ZNF425: variants seen among roughly 807,000 people sequenced by gnomAD.
The protein encoded by ZNF425 is zinc finger protein 425.
Under a neutral mutation model 17.0 loss-of-function variants are expected in ZNF425, and 21 were observed. The observed-to-expected ratio is 1.23, with a 90% CI of 0.88 to 1.78. ZNF425 has a LOEUF of 1.78. Ranked by LOEUF, ZNF425 falls within the 40% of genes most tolerant of loss-of-function variation. The pLI is 0.00. For synonymous variants in ZNF425, 433 were observed against 384.1 expected (o/e 1.13, Z -1.49); for missense variants, 868 against 967.3 (o/e 0.90, Z 1.36).
Position 149,126,054 on chromosome 7 carries a change from A to T in ZNF425, c.18+142T>A. On this transcript the variant is annotated intron_variant, in intron 1 of 3. Transcript: ENST00000378061. ...AGCAAGACTGCACCTTCTCCAGCCC[A>T]GCCCGGAGCTCAGTCCGTGGGCCAC... is the stretch of plus-strand genomic sequence containing the variant. The T allele has an allele frequency of 2.7e-6, 4 of 1,490,730 alleles. No individual in the cohort carries two copies. In the South Asian group the frequency reaches 4.8e-5, roughly 18 times the overall value. 92.3% of individuals were successfully genotyped at this position (1,490,730 alleles called of 1,614,324 possible).
intron 3 of ZNF425, among the ~76,000 whole-genome samples, chr7:149,109,520 T>C (rs1393304043): frequency 2.0e-5 from 3 of 152,192 alleles, no homozygotes; most frequent in Non-Finnish European, 4.4e-5. Flanking sequence ...AGAGTCCTCC[T>C]GGGATATTGC....
intron 2 of ZNF425, among the ~76,000 whole-genome samples, chr7:149,116,843 C>T (rs1334550885): frequency 3.9e-5 from 6 of 152,116 alleles, no homozygotes; most frequent in Non-Finnish European, 7.3e-5. Context: ...AAATTGTCTT[C>T]CCCCTAATTT....
chr7:149,104,807 T>G lies in ZNF425; in HGVS notation c.1064A>C (p.Lys355Thr), dbSNP rs747799599. ...ACACTCGGGACAGTGGAAGGGCCTCTTCCCGCTGTGCTGGGTCAGATGGAC... is the reference window on the plus strand; with the variant it reads ...ACACTCGGGACAGTGGAAGGGCCTCGTCCCGCTGTGCTGGGTCAGATGGAC... ...MKVHLTQHSGKRPFHCPECGR... is the reference protein window; with the variant it reads ...MKVHLTQHSGTRPFHCPECGR... Residue 355 changes from lysine (K) to threonine (T), a missense_variant, in exon 4 of 4, where the codon AAG becomes ACG. Lys to Thr is a moderately conservative substitution (Grantham distance 78). Around this residue, in one of 5 missense-constraint regions of ZNF425, gnomAD observed 243 missense variants for 265.2 expected, o/e 0.92. Coordinates refer to ENST00000378061, the MANE Select transcript of ZNF425 (RefSeq NM_001001661.3). This position sits in a 1 kb window ranked among gnomAD's most constrained non-coding sequence, Gnocchi z 4.3. The G allele has an allele frequency of 6.2e-7, 1 of 1,613,884 alleles. No homozygotes were observed. Among genetic ancestry groups the G allele is most frequent in the South Asian group, 1.1e-5 (1 of 91,078 alleles).
At position 149,105,247 on chromosome 7, in the gene ZNF425, G is replaced by T; in HGVS notation, c.624C>A (p.His208Gln). The T allele has an allele frequency of 6.2e-7, 1 of 1,614,184 alleles. No homozygotes were observed. Among genetic ancestry groups the T allele is most frequent in the Non-Finnish European group, 8.5e-7 (1 of 1,180,038 alleles). Reference protein sequence around the residue: ...VFQVRRDLLKHKRSHSKSQLC... With the variant: ...VFQVRRDLLKQKRSHSKSQLC... ...GCTGGCTCTTGGAGTGGCTCCGTTT[G>T]TGCTTTAGCAAATCCCTCCTTACTT... Residue 208 changes from histidine (H) to glutamine (Q), a missense_variant, in exon 4 of 4, where the codon CAC becomes CAA. His to Gln is a conservative substitution (Grantham distance 24). Transcript: ENST00000378061.
Position 149,105,261 on chromosome 7 carries a change from C to T in ZNF425, c.610G>A (p.Asp204Asn), listed in dbSNP as rs147026650. 343 of 1,614,164 alleles carry T rather than the reference C, an allele frequency of 2.1e-4. 1 individual carries two copies. The highest frequency in any genetic ancestry group is 1.1e-3 in the South Asian group (96 of 91,076). ...VCRKVFQVRR[D>N]LLKHKRSHSK... ...TGGCTCCGTTTGTGCTTTAGCAAAT[C>T]CCTCCTTACTTGGAAGACTTTCCTA... is the stretch of plus-strand genomic sequence containing the variant. The change falls in exon 4 of 4, where the codon GAT becomes AAT. Residue 204 changes from aspartate to asparagine, a missense_variant. By Grantham distance (23) the Asp-to-Asn change is conservative. Transcript: ENST00000378061.
intron 1 of ZNF425, 180 bp downstream of exon 1, chr7:149,126,016 G>C (rs1826460818): frequency 7.6e-7 from 1 of 1,318,234 alleles, no homozygotes; most frequent in African/African-American, 1.5e-5. Context: ...GTCAATTCCA[G>C]AACAGCACAC....
In ZNF425 at chr7:149,103,431, T is replaced by A. The variant is rs1325832187; in HGVS notation, c.*181A>T. On this transcript the variant is annotated 3_prime_UTR_variant, in exon 4 of 4. Coordinates refer to ENST00000378061, the MANE Select transcript of ZNF425 (RefSeq NM_001001661.3). ...TGGAGTCTTGCAATGTTGCCTAGGCTGGTCTCAAACTTCTGGGCTCAAGCG... is the reference window on the plus strand; with the variant it reads ...TGGAGTCTTGCAATGTTGCCTAGGCAGGTCTCAAACTTCTGGGCTCAAGCG... 4 of 703,174 alleles carry A rather than the reference T, an allele frequency of 5.7e-6. No homozygotes were observed. The highest frequency in any genetic ancestry group is 9.1e-6 in the Non-Finnish European group (4 of 438,490). 43.6% of individuals were successfully genotyped at this position (703,174 alleles called of 1,614,324 possible). A position where few individuals can be genotyped will look rare whatever the true frequency, so the allele number is the denominator to read the frequency against.
At chr7:149,106,199 C>T (rs1452486545) in intron 3 of ZNF425, among the ~76,000 whole-genome samples, 1 of 147,192 alleles carries the variant, frequency 6.8e-6, no homozygotes, top group Non-Finnish European at 1.5e-5. Context: ...CTGATCCACC[C>T]ACCTCAGCCT....
At chr7:149,124,817 T>G in intron 1 of ZNF425, among the ~76,000 whole-genome samples, 1 of 151,764 alleles carries the variant, frequency 6.6e-6, no homozygotes, top group East Asian at 2.0e-4. Flanking sequence ...CTGGGATTAC[T>G]GGCGTGAGCC....
chr7:149,125,277 C>G (rs766435736), intron 1 of ZNF425, among the ~76,000 whole-genome samples: 3 of 152,204 alleles, frequency 2.0e-5, no homozygotes, highest in Admixed American at 6.6e-5. Flanking sequence ...GCAAGTTATA[C>G]TTAACTGAAT....
chr7:149,121,079 C>CT (rs75534831), intron 1 of ZNF425, among the ~76,000 whole-genome samples: 725 of 62,732 alleles, frequency 0.012, 62 homozygotes, highest in African/African-American at 0.03. Flanking sequence ...TTTTACATTC[C>CT]TTTTTTTTTT....
chr7:149,115,129 T>C (rs1826243555), intron 2 of ZNF425, among the ~76,000 whole-genome samples: 1 of 148,198 alleles, frequency 6.7e-6, no homozygotes, highest in African/African-American at 2.5e-5. Flanking sequence ...TTTGTATTTT[T>C]AGTAGAGATG....
At chr7:149,121,079 CTTTTTTTTTTTTT>C (rs75534831) in intron 1 of ZNF425, among the ~76,000 whole-genome samples, 845 of 62,344 alleles carry the variant, frequency 0.014, 40 homozygotes, top group African/African-American at 0.022. Context: ...TTTTACATTC[CTTTTTTTTTTTTT>C]TTTTTTTTTT....
intron 2 of ZNF425, among the ~76,000 whole-genome samples, chr7:149,112,557 T>C (rs1286822249): frequency 2.0e-5 from 3 of 152,180 alleles, no homozygotes; most frequent in Non-Finnish European, 1.5e-5. Flanking sequence ...CACTTGAACC[T>C]GGGAGATGGA....
chr7:149,107,310 ATGATTTAT>A (rs1826095144), intron 3 of ZNF425, among the ~76,000 whole-genome samples: 2 of 148,390 alleles, frequency 1.3e-5, no homozygotes, highest in African/African-American at 5.1e-5. Context: ...CATTATAAGA[ATGATTTAT>A]TTATTTATTT....
intron 2 of ZNF425, among the ~76,000 whole-genome samples, chr7:149,116,954 T>C (rs1047498913): frequency 1.3e-5 from 2 of 152,114 alleles, no homozygotes; most frequent in African/African-American, 4.8e-5. Context: ...CTTATTATAT[T>C]GATACCAGTA....
intron 3 of ZNF425, 96 bp from the exon 4 acceptor site, chr7:149,105,662 ATTT>A (rs1162575398): frequency 5.0e-6 from 4 of 804,314 alleles, no homozygotes; most frequent in Admixed American, 4.4e-5. Context: ...TATTATTATT[ATTT>A]TTTGCGATAG....
chr7:149,109,250 G>C (rs1826135082), intron 3 of ZNF425, among the ~76,000 whole-genome samples: 2 of 151,826 alleles, frequency 1.3e-5, no homozygotes, highest in Non-Finnish European at 2.9e-5. Context: ...GCTAATTTTT[G>C]TATTTTTAGT....
intron 3 of ZNF425, among the ~76,000 whole-genome samples, chr7:149,109,827 G>C (rs1269058141): frequency 6.6e-6 from 1 of 151,844 alleles, no homozygotes; most frequent in Non-Finnish European, 1.5e-5. Flanking sequence ...TGAATGAATA[G>C]ACAGTGTCAA....
Sources: allele counts gnomAD v4.1 joint callset (sites outside exome capture counted in the v4.1 genomes callset), GRCh38; gene constraint gnomAD v4.1.1; regional missense constraint gnomAD v4.1.1; non-coding constraint Gnocchi (gnomAD v3.1); transcripts MANE v1.5; gene names NCBI Gene and HGNC (gene_info 2026-07-23, HGNC 2026-07-21).